The following NEDD4 variants were observed in gnomAD, a reference collection of about 807,000 sequenced individuals.
The protein encoded by NEDD4 is NEDD4 E3 ubiquitin protein ligase.
In NEDD4, 99 loss-of-function variants were observed where a neutral mutation model predicts 144.9. The ratio of observed to expected loss-of-function variants is 0.68; its 90% CI spans 0.58 to 0.81. The LOEUF is 0.81. NEDD4 is among the 30% of genes least tolerant of loss of function. The pLI, the probability that NEDD4 is intolerant of heterozygous loss-of-function variation, is 0.00. For synonymous variants in NEDD4, 318 were observed against 350.6 expected, an observed-to-expected ratio of 0.91 and a Z score of 1.04; for missense variants, 985 against 1,065.9, an observed-to-expected ratio of 0.92 and a Z score of 1.06.
rs1252974249 is a variant in NEDD4 at position 55,936,800 on chromosome 15, T to C, written c.238-12101A>G. 1.6e-4 allele frequency among the ~76,000 whole-genome samples: 24 copies of C among 151,902 alleles called. 1 individual carries two copies. Among genetic ancestry groups the C allele is most frequent in the Admixed American group, 5.2e-4 (8 of 15,266 alleles). ...TATAATTTGCTATTTCTTTTCTTTT[T>C]TTTTTTTTTGAGACAGAGTTTCACT... On this transcript the variant is annotated intron_variant, in intron 4 of 28. Transcript: ENST00000435532.
chr15:55,955,507 C>G (rs1293184219), intron 2 of NEDD4, among the ~76,000 whole-genome samples: 3 of 152,082 alleles, frequency 2.0e-5, no homozygotes, highest in African/African-American at 7.2e-5. Flanking sequence ...AACCAGCATT[C>G]CACTCTTTGA....
At chr15:55,901,544 A>T (rs2035915400) in intron 5 of NEDD4, among the ~76,000 whole-genome samples, 1 of 152,186 alleles carries the variant, frequency 6.6e-6, no homozygotes, top group Non-Finnish European at 1.5e-5. Flanking sequence ...TTAATTGTTA[A>T]TAGGCTTTAG....
chr15:55,977,480 A>T (rs796923105), intron 1 of NEDD4, among the ~76,000 whole-genome samples: 5 of 152,046 alleles, frequency 3.3e-5, no homozygotes, highest in Non-Finnish European at 5.9e-5. Flanking sequence ...GTTGTTAAGC[A>T]ATGCATGACT....
At chr15:55,869,704 T>TGAATGAAGTTAA (rs1566922349) in intron 7 of NEDD4, 23 bp from the exon 8 acceptor site, 1 of 1,398,954 alleles carries the variant, frequency 7.1e-7, no homozygotes, top group Non-Finnish European at 9.9e-7. Flanking sequence ...AAATAAATAT[T>TGAATGAAGTTAA]CATAAAACTT....
At chr15:55,949,585 A>G (rs1395794585) in intron 4 of NEDD4, among the ~76,000 whole-genome samples, 1 of 152,230 alleles carries the variant, frequency 6.6e-6, no homozygotes, top group East Asian at 1.9e-4. Context: ...GATTAAGAAA[A>G]TGTGGCACAT....
chr15:55,839,541 A>G (rs1053926311), intron 21 of NEDD4, among the ~76,000 whole-genome samples: 7 of 152,218 alleles, frequency 4.6e-5, no homozygotes, highest in Non-Finnish European at 1.0e-4. Context: ...GATGCCCTGG[A>G]ATTCATGTGA....
intron 21 of NEDD4, among the ~76,000 whole-genome samples, chr15:55,839,010 T>C (rs2033343883): frequency 6.6e-6 from 1 of 151,194 alleles, no homozygotes; most frequent in Admixed American, 6.6e-5. Context: ...GTGTTAAATG[T>C]TTTATTTTTA....
At chr15:55,831,360 T>C (rs2032941757) in intron 27 of NEDD4, among the ~76,000 whole-genome samples, 1 of 152,204 alleles carries the variant, frequency 6.6e-6, no homozygotes. Context: ...TCTGGCTCTA[T>C]GTGTGGGATA....
chr15:55,936,364 C>A (rs115910013), intron 4 of NEDD4, among the ~76,000 whole-genome samples: 1 of 151,798 alleles, frequency 6.6e-6, no homozygotes, highest in African/African-American at 2.4e-5. Flanking sequence ...AAAAAAATCA[C>A]GCCAAATTTG....
At chr15:55,993,037 G>T (rs1022222570) in intron 1 of NEDD4, among the ~76,000 whole-genome samples, 2 of 152,186 alleles carry the variant, frequency 1.3e-5, no homozygotes, top group South Asian at 2.1e-4. Flanking sequence ...ACCAGCGAAT[G>T]ACAATTCACT....
At chr15:55,951,235 T>A (rs2142300767) in intron 4 of NEDD4, 141 bp downstream of exon 4, 1 of 453,396 alleles carries the variant, frequency 2.2e-6, no homozygotes, top group African/African-American at 2.1e-5. Flanking sequence ...TAAGACAAAA[T>A]TTCAATTCCT....
intron 2 of NEDD4, among the ~76,000 whole-genome samples, chr15:55,959,929 C>CTTAA (rs2037398763): frequency 6.6e-6 from 1 of 152,196 alleles, no homozygotes; most frequent in Non-Finnish European, 1.5e-5. Flanking sequence ...GCCTCAGCAT[C>CTTAA]CATAATGAAT....
intron 13 of NEDD4, among the ~76,000 whole-genome samples, chr15:55,851,633 C>T (rs962298274): frequency 5.3e-5 from 8 of 151,976 alleles, no homozygotes; most frequent in African/African-American, 1.2e-4. Context: ...TGCGCCACCA[C>T]GCCTGGCTAA....
At position 55,967,472 on chromosome 15, in the gene NEDD4, GTGTA is replaced by G. The variant is rs879272427; in HGVS notation, c.46-930_46-927del. On this transcript the variant is annotated intron_variant, in intron 1 of 28. Coordinates refer to ENST00000435532, the MANE Select transcript of NEDD4 (RefSeq NM_006154.4). ...TGTGTGTGTGTGTGTGTGTGTGTGT[GTGTA>G]TGTGTGTGTATACAAATAAAGGGGA... Among the ~76,000 whole-genome samples, 1,334 of 150,324 alleles carry G rather than the reference GTGTA, an allele frequency of 8.9e-3. 13 individuals are homozygous for G. Among genetic ancestry groups the G allele is most frequent in the Admixed American group, 0.016 (235 of 15,040 alleles).
intron 2 of NEDD4, among the ~76,000 whole-genome samples, chr15:55,965,831 A>G (rs866818952): frequency 6.6e-6 from 1 of 151,914 alleles, no homozygotes; most frequent in South Asian, 2.1e-4. Context: ...TTGTATTTTT[A>G]GTAGAGACAG....
In NEDD4 at chr15:55,913,018, G is replaced by A. The variant is rs2036324311; in HGVS notation, c.291+11628C>T. ...TTAAAAAATCAGTCATTAATAAGCT[G>A]TTGATTACAGTAAGCTAGAAACTCA... On this transcript the variant is annotated intron_variant, in intron 5 of 28. Coordinates refer to ENST00000435532, the MANE Select transcript of NEDD4 (RefSeq NM_006154.4). Among the ~76,000 whole-genome samples the A allele has an allele frequency of 2.6e-5, 4 of 152,082 alleles. No individual in the cohort carries two copies. The South Asian group carries it at 8.3e-4, about 31-fold the overall frequency.
chr15:55,946,647 C>T (rs1421631830), intron 4 of NEDD4, among the ~76,000 whole-genome samples: 1 of 152,144 alleles, frequency 6.6e-6, no homozygotes, highest in Admixed American at 6.6e-5. Flanking sequence ...CAGCTCTGCA[C>T]CAAGTGGACC....
At chr15:55,935,786 G>C (rs2036876902) in intron 4 of NEDD4, among the ~76,000 whole-genome samples, 1 of 148,608 alleles carries the variant, frequency 6.7e-6, no homozygotes, top group South Asian at 2.2e-4. Flanking sequence ...GGCAGAGGTT[G>C]CAGTGAGTTG....
chr15:55,831,504 T>A (rs2032949205), intron 27 of NEDD4, among the ~76,000 whole-genome samples: 1 of 152,204 alleles, frequency 6.6e-6, no homozygotes, highest in Non-Finnish European at 1.5e-5. Flanking sequence ...TACTAACTTG[T>A]TAAAGTAGAG....
Sources: gnomAD v4.1 joint callset for allele counts (sites outside exome capture counted in the v4.1 genomes callset) on GRCh38, gnomAD v4.1.1 for gene constraint, MANE v1.5 for transcripts, NCBI Gene and HGNC (gene_info 2026-07-23, HGNC 2026-07-21) for gene names.